ANKRD36C: variants seen among roughly 807,000 people sequenced by gnomAD.
ANKRD36C encodes ankyrin repeat domain 36C, also known as ankyrin repeat domain-containing protein 36C.
In ANKRD36C, 61 loss-of-function variants were observed where a neutral mutation model predicts 276.4. The ratio of observed to expected loss-of-function variants is 0.22; its 90% CI spans 0.18 to 0.27. ANKRD36C has a LOEUF of 0.27. ANKRD36C is among the 10% of genes least tolerant of loss of function. The pLI, the probability that ANKRD36C is intolerant of heterozygous loss-of-function variation, is 1.00. For synonymous variants in ANKRD36C, 483 were observed against 680.1 expected (o/e 0.71, Z 4.51); for missense variants, 1,447 against 2,032.3 (o/e 0.71, Z 5.54).
chr2:95,912,941 G>A (rs1274272351), intron 40 of ANKRD36C, among the ~76,000 whole-genome samples: 1 of 151,182 alleles, frequency 6.6e-6, no homozygotes, highest in East Asian at 2.0e-4. Flanking sequence ...CATCTCTTCA[G>A]TGGAAGTGTC....
chr2:95,930,853 G>C (rs570315260), intron 24 of ANKRD36C, among the ~76,000 whole-genome samples: 1 of 151,344 alleles, frequency 6.6e-6, no homozygotes, highest in East Asian at 1.9e-4. Context: ...AATCTGATGT[G>C]AACGAAGCAT....
rs114425266 is a variant in ANKRD36C at position 95,979,109 on chromosome 2, A to G, written c.732-920T>C. ...CTCATTTCCAAGATACATACTAATAAAATATTTACACAACACCCCATGTGT... is the reference window on the plus strand; with the variant it reads ...CTCATTTCCAAGATACATACTAATAGAATATTTACACAACACCCCATGTGT... On this transcript the variant is annotated intron_variant, in intron 5 of 66. Coordinates refer to ENST00000456556, the Ensembl canonical transcript of ANKRD36C. Among the ~76,000 whole-genome samples the G allele has an allele frequency of 8.7e-3, 1,325 of 152,116 alleles. 22 individuals carry two copies. The highest frequency in any genetic ancestry group is 0.03 in the African/African-American group (1,263 of 41,528).
At chr2:95,928,368 A>G (rs912548755) in intron 26 of ANKRD36C, among the ~76,000 whole-genome samples, 1 of 151,626 alleles carries the variant, frequency 6.6e-6, no homozygotes, top group Non-Finnish European at 1.5e-5. Context: ...TTTTATAAGT[A>G]AAGTCCAGAA....
intron 46 of ANKRD36C, among the ~76,000 whole-genome samples, chr2:95,891,059 C>T (rs1256151146): frequency 6.6e-6 from 1 of 151,420 alleles, no homozygotes; most frequent in African/African-American, 2.4e-5. Flanking sequence ...TTGTTTCCTG[C>T]TTCCAGTAGT....
chr2:95,950,501 T>C (rs376246497), intron 16 of ANKRD36C, among the ~76,000 whole-genome samples: 45 of 147,018 alleles, frequency 3.1e-4, no homozygotes, highest in Non-Finnish European at 3.7e-4. Context: ...TAATGTTGGG[T>C]TGGCTACCTG....
At chr2:95,962,410 C>T in exon 8 of ANKRD36C, 2 of 1,571,168 alleles carry the variant, frequency 1.3e-6, no homozygotes, top group Non-Finnish European at 1.7e-6. Context: ...TAGAATCTTC[C>T]TTGCCACTTG....
chr2:95,871,825 T>C (rs945151144), intron 59 of ANKRD36C, among the ~76,000 whole-genome samples: 1 of 150,798 alleles, frequency 6.6e-6, no homozygotes, highest in Non-Finnish European at 1.5e-5. Flanking sequence ...GAGGAAGATC[T>C]ACCAAGCAAA....
chr2:95,964,013 ATGTG>A (rs373586908), intron 6 of ANKRD36C, among the ~76,000 whole-genome samples: 506 of 19,810 alleles, frequency 0.026, 8 homozygotes, highest in African/African-American at 0.037. Flanking sequence ...ATATATATAT[ATGTG>A]TGTGTGTGTC....
intron 6 of ANKRD36C, among the ~76,000 whole-genome samples, chr2:95,977,542 T>A (rs1284885268): frequency 1.3e-5 from 2 of 152,094 alleles, no homozygotes; most frequent in Non-Finnish European, 2.9e-5. Context: ...CACCTTACAC[T>A]AGATTGATAG....
chr2:95,912,571 T>C, intron 40 of ANKRD36C, 136 bp from the exon 43 acceptor site: 2 of 1,521,686 alleles, frequency 1.3e-6, no homozygotes, highest in Non-Finnish European at 1.8e-6. Context: ...ATTTTGTGTC[T>C]GGGGACCAGA....
intron 59 of ANKRD36C, among the ~76,000 whole-genome samples, chr2:95,867,825 A>T (rs1447670524): frequency 6.7e-6 from 1 of 149,586 alleles, no homozygotes; most frequent in Non-Finnish European, 1.5e-5. Context: ...TGGGTTAATT[A>T]AGGAACAAAG....
rs1383867355 is a variant in ANKRD36C, at chr2:95,962,459, A to G, written c.829-35T>C. 2.5e-6 allele frequency: 4 copies of G among 1,590,206 alleles called. No individual in the cohort carries two copies. In the African/African-American group the frequency reaches 4.0e-5, roughly 16 times the overall value. On this transcript the variant is annotated intron_variant, in intron 7 of 66. Transcript: ENST00000456556. Reference sequence around the variant, plus strand: ...ATTTGAAACAAAATAATCAATACGTAAAGTATTTTTCACAGACTATATAGT... The same window carrying G: ...ATTTGAAACAAAATAATCAATACGTGAAGTATTTTTCACAGACTATATAGT...
intron 5 of ANKRD36C, among the ~76,000 whole-genome samples, chr2:95,979,993 G>A (rs1018299096): frequency 2.0e-5 from 3 of 152,010 alleles, no homozygotes; most frequent in African/African-American, 7.2e-5. Flanking sequence ...AAAAACAGTT[G>A]TAACTTTGAA....
intron 59 of ANKRD36C, among the ~76,000 whole-genome samples, chr2:95,869,922 T>G (rs1675766305): frequency 1.3e-5 from 2 of 152,180 alleles, no homozygotes; most frequent in Non-Finnish European, 2.9e-5. Context: ...AGCACAGCAG[T>G]CTGAGATCAA....
At chr2:95,930,133 A>G (rs1267154611) in intron 24 of ANKRD36C, among the ~76,000 whole-genome samples, 1 of 151,680 alleles carries the variant, frequency 6.6e-6, no homozygotes, top group Non-Finnish European at 1.5e-5. Context: ...TGGTTAAAGT[A>G]TCATGTTATT....
intron 1 of ANKRD36C, among the ~76,000 whole-genome samples, chr2:95,989,825 T>C (rs1052968765): frequency 6.6e-6 from 1 of 152,204 alleles, no homozygotes; most frequent in Non-Finnish European, 1.5e-5. Flanking sequence ...TAGTATTTCA[T>C]TCCTTTTTTA....
chr2:95,863,728 A>G (rs1675630855), intron 60 of ANKRD36C, among the ~76,000 whole-genome samples: 1 of 152,166 alleles, frequency 6.6e-6, no homozygotes, highest in Non-Finnish European at 1.5e-5. Context: ...AAGTGACATA[A>G]GCTAATCTGA....
At chr2:95,890,776 A>G (rs934688901) in intron 46 of ANKRD36C, among the ~76,000 whole-genome samples, 2 of 151,580 alleles carry the variant, frequency 1.3e-5, no homozygotes, top group African/African-American at 4.8e-5. Context: ...TCACTGCAAT[A>G]TTCATTGAAA....
intron 46 of ANKRD36C, 151 bp downstream of exon 66, chr2:95,891,514 T>G (rs1388808165): frequency 3.5e-6 from 4 of 1,135,528 alleles, no homozygotes; most frequent in Admixed American, 2.7e-5. Context: ...AGCAGCATCA[T>G]CATCACCCAA....
Sources: allele counts gnomAD v4.1 joint callset (sites outside exome capture counted in the v4.1 genomes callset), GRCh38; gene constraint gnomAD v4.1.1; transcripts MANE v1.5; gene names NCBI Gene and HGNC (gene_info 2026-07-23, HGNC 2026-07-21).